The following KIF13A variants were observed in gnomAD, a reference collection of about 807,000 sequenced individuals.
The protein encoded by KIF13A is kinesin family member 13A, also known as kinesin-like protein KIF13A.
KIF13A carries 79 observed loss-of-function variants against 212.2 expected under a neutral mutation model. That is an observed-to-expected ratio of 0.37 (90% CI 0.31 to 0.45). KIF13A has a LOEUF of 0.45. Ranked by LOEUF, KIF13A falls within the 20% of genes least tolerant of loss-of-function variation. The pLI is 1.00. For synonymous variants in KIF13A, 789 were observed against 808.6 expected, an observed-to-expected ratio of 0.98 and a Z score of 0.41; for missense variants, 1,901 against 2,209.0, an observed-to-expected ratio of 0.86 and a Z score of 2.79.
intron 12 of KIF13A, 44 bp downstream of exon 12, chr6:17,833,917 G>T: frequency 5.4e-6 from 5 of 923,466 alleles, no homozygotes; most frequent in Non-Finnish European, 8.0e-6. Context: ...AAGACAATAA[G>T]TGAAAAAGAA....
chr6:17,921,243 T>C (rs1238116697), intron 2 of KIF13A, among the ~76,000 whole-genome samples: 1 of 152,202 alleles, frequency 6.6e-6, no homozygotes, highest in African/African-American at 2.4e-5. Flanking sequence ...CACTGAGAAG[T>C]TGTGCAGTAA....
In KIF13A at chr6:17,987,306, C is replaced by CCGCCGG; in HGVS notation, c.55+102_55+103insCCGGCG. 1.1e-6 allele frequency: 1 copy of CCGCCGG among 936,142 alleles called. No individual in the cohort carries two copies. Among genetic ancestry groups the CCGCCGG allele is most frequent in the Non-Finnish European group, 1.4e-6 (1 of 724,198 alleles). 58.0% of individuals were successfully genotyped at this position (936,142 alleles called of 1,614,324 possible). On this transcript the variant is annotated intron_variant, in intron 1 of 38. Coordinates refer to ENST00000259711, the MANE Select transcript of KIF13A (RefSeq NM_022113.6). This position sits in a 1 kb window ranked among gnomAD's most constrained non-coding sequence, Gnocchi z 7.7. ...GCGCGGACGCCGCCTCCGCCCCGGC[C>CCGCCGG]CCCCGGCCCCGGCCGCGCTCTCGCC...
At position 17,934,657 on chromosome 6, in the gene KIF13A, A is replaced by C. The variant is rs1262643491; in HGVS notation, c.147-36477T>G. The stretch of plus-strand genomic sequence containing the variant: ...TTAAAAATTAGCAGGGCATGGTGGC[A>C]CATCCCTGTGGTCTCACCTACTTGG... On this transcript the variant is annotated intron_variant, in intron 2 of 38. Coordinates refer to ENST00000259711, the MANE Select transcript of KIF13A (RefSeq NM_022113.6). The surrounding 1 kb of genome is among the most constrained non-coding windows in gnomAD (Gnocchi z 5.4). Among the ~76,000 whole-genome samples the C allele has an allele frequency of 1.3e-5, 2 of 151,886 alleles. No homozygotes were observed. Among genetic ancestry groups the C allele is most frequent in the Admixed American group, 1.3e-4 (2 of 15,248 alleles).
At chr6:17,806,955 T>C (rs928486182) in intron 18 of KIF13A, among the ~76,000 whole-genome samples, 1 of 152,210 alleles carries the variant, frequency 6.6e-6, no homozygotes, top group Non-Finnish European at 1.5e-5. Flanking sequence ...GGAAGATGAA[T>C]TGTGAAGATT....
At chr6:17,846,041 CTT>C (rs34232861) in intron 9 of KIF13A, among the ~76,000 whole-genome samples, 5 of 83,252 alleles carry the variant, frequency 6.0e-5, no homozygotes, top group African/African-American at 2.3e-4. Flanking sequence ...GGAACTCAAC[CTT>C]TTTTTTTTTT....
At chr6:17,788,854 A>G (rs1761287015) in intron 26 of KIF13A, among the ~76,000 whole-genome samples, 2 of 152,122 alleles carry the variant, frequency 1.3e-5, no homozygotes, top group Admixed American at 1.3e-4. Flanking sequence ...CCTCCCGAGT[A>G]GCTGGGATTA....
chr6:17,928,627 A>G (rs2150531906), intron 2 of KIF13A, among the ~76,000 whole-genome samples: 1 of 152,236 alleles, frequency 6.6e-6, no homozygotes, highest in African/African-American at 2.4e-5. Flanking sequence ...CACTATAAAT[A>G]CCTTCTCTTT....
At chr6:17,893,344 G>A (rs2150474406) in intron 3 of KIF13A, among the ~76,000 whole-genome samples, 1 of 152,216 alleles carries the variant, frequency 6.6e-6, no homozygotes, top group East Asian at 1.9e-4. Flanking sequence ...AGCTCTGCCT[G>A]TTTTTCACTC....
At position 17,912,631 on chromosome 6, in the gene KIF13A, C is replaced by T. The variant is rs771619801; in HGVS notation, c.147-14451G>A. Reference sequence around the variant, plus strand: ...GCCACCCTTGTTGAGTTTTATCATGCATCTTCAAGTCTCTTTTTTCCATCT... The same window carrying T: ...GCCACCCTTGTTGAGTTTTATCATGTATCTTCAAGTCTCTTTTTTCCATCT... On this transcript the variant is annotated intron_variant, in intron 2 of 38. Coordinates refer to ENST00000259711, the MANE Select transcript of KIF13A (RefSeq NM_022113.6). This position sits in a 1 kb window ranked among gnomAD's most constrained non-coding sequence, Gnocchi z 4.2. 1.3e-5 allele frequency among the ~76,000 whole-genome samples: 2 copies of T among 152,214 alleles called. No homozygotes were observed. The highest frequency in any genetic ancestry group is 2.4e-5 in the African/African-American group (1 of 41,460).
chr6:17,827,078 A>T (rs185701121), intron 14 of KIF13A, among the ~76,000 whole-genome samples: 2,086 of 145,208 alleles, frequency 0.014, 46 homozygotes, highest in African/African-American at 0.047. Flanking sequence ...AATTAAAAAA[A>T]AAATAAATAA....
In KIF13A at chr6:17,823,393, TTCTC is replaced by T. The variant is rs372974768; in HGVS notation, c.1786+2371_1786+2374del. On this transcript the variant is annotated intron_variant, in intron 16 of 38. Transcript: ENST00000259711. ...TCACAGTCTGGCTGGCTGGCTGTCT[TTCTC>T]TCTCTCTCTCTCTCCCCGCCCCCCA... is the stretch of plus-strand genomic sequence containing the variant. Among the ~76,000 whole-genome samples the T allele has an allele frequency of 2.1e-3, 316 of 148,036 alleles. 1 individual carries two copies. The highest frequency in any genetic ancestry group is 6.9e-3 in the African/African-American group (278 of 40,426).
chr6:17,849,507 G>C lies in KIF13A; in HGVS notation c.718-18C>G. The C allele has an allele frequency of 1.3e-6, 2 of 1,581,956 alleles. No individual in the cohort carries two copies. The highest frequency in any genetic ancestry group is 1.7e-6 in the Non-Finnish European group (2 of 1,153,886). ...CCGGAATTCTAGTTATAGGAAACGA[G>C]AGAGAGAAGAAAAACTTATCAATAA... On this transcript the variant is annotated intron_variant, in intron 8 of 38. Transcript: ENST00000259711. This position sits in a 1 kb window ranked among gnomAD's most constrained non-coding sequence, Gnocchi z 5.7.
Position 17,982,278 on chromosome 6 carries a change from A to G in KIF13A, c.146+4776T>C, listed in dbSNP as rs1370211441. 1 of 184,318 alleles carries G rather than the reference A, an allele frequency of 5.4e-6. No homozygotes were observed. Among genetic ancestry groups the G allele is most frequent in the Non-Finnish European group, 1.0e-5 (1 of 97,780 alleles). 11.4% of individuals were successfully genotyped at this position (184,318 alleles called of 1,614,324 possible). On this transcript the variant is annotated intron_variant, in intron 2 of 38. Transcript: ENST00000259711. This position sits in a 1 kb window ranked among gnomAD's most constrained non-coding sequence, Gnocchi z 5.1. ...ACTCGGCTAACTTTTGTATTTTTTT[A>G]GTGGAGACAGGGTTTCACCATGTTG...
In KIF13A at chr6:17,983,494, C is replaced by CA. The variant is rs1554128212; in HGVS notation, c.146+3559_146+3560insT. Among the ~76,000 whole-genome samples, 4 of 127,374 alleles carry CA rather than the reference C, an allele frequency of 3.1e-5. No individual in the cohort carries two copies. In the East Asian group the frequency reaches 1.0e-3, roughly 33 times the overall value. 83.6% of individuals were successfully genotyped at this position (127,374 alleles called of 152,430 possible). ...CCCCAAAACTGTCTTGCTGCTGCTG[C>CA]TTTTTTTTTTTTTTTTGAGATGCAG... On this transcript the variant is annotated intron_variant, in intron 2 of 38. Coordinates refer to ENST00000259711, the MANE Select transcript of KIF13A (RefSeq NM_022113.6).
intron 38 of KIF13A, among the ~76,000 whole-genome samples, chr6:17,766,411 G>A (rs1729602071): frequency 2.0e-5 from 3 of 151,666 alleles, no homozygotes; most frequent in African/African-American, 2.4e-5. Context: ...GGCTAATTTT[G>A]TATTTTTATA....
chr6:17,917,155 T>G (rs1026354491), intron 2 of KIF13A, among the ~76,000 whole-genome samples: 1 of 150,792 alleles, frequency 6.6e-6, no homozygotes, highest in Non-Finnish European at 1.5e-5. Context: ...AACACTTTAC[T>G]CACATATTCT....
chr6:17,882,944 T>C (rs1213664066), intron 3 of KIF13A, among the ~76,000 whole-genome samples: 2 of 152,246 alleles, frequency 1.3e-5, no homozygotes, highest in East Asian at 1.9e-4. Flanking sequence ...TGTGTGTATA[T>C]ATATGTATAC....
At chr6:17,765,513 T>A (rs914713056) in intron 38 of KIF13A, among the ~76,000 whole-genome samples, 12 of 152,218 alleles carry the variant, frequency 7.9e-5, no homozygotes, top group Non-Finnish European at 1.3e-4. Context: ...CTCATTCTTA[T>A]ATTATGCTAC....
intron 35 of KIF13A, 63 bp downstream of exon 35, chr6:17,774,952 A>G: frequency 7.5e-7 from 1 of 1,332,806 alleles, no homozygotes; most frequent in African/African-American, 1.5e-5. Flanking sequence ...AAAAACACCA[A>G]GATCCCACAA....
Sources: allele counts gnomAD v4.1 joint callset (sites outside exome capture counted in the v4.1 genomes callset), GRCh38; gene constraint gnomAD v4.1.1; non-coding constraint Gnocchi (gnomAD v3.1); transcripts MANE v1.5; gene names NCBI Gene and HGNC (gene_info 2026-07-23, HGNC 2026-07-21).